MAP3K7: variants seen among roughly 807,000 people sequenced by gnomAD.
MAP3K7 encodes TGF-beta activated kinase 1.
In MAP3K7, 21 loss-of-function variants were observed where a neutral mutation model predicts 84.8. The ratio of observed to expected loss-of-function variants is 0.25; its 90% confidence interval spans 0.18 to 0.36. The LOEUF (loss-of-function observed/expected upper bound fraction) is 0.36. MAP3K7 is among the 10% of genes least tolerant of loss of function. The pLI is 1.00. For missense variants in MAP3K7, 503 were observed against 747.7 expected (o/e 0.67, Z 3.82); for synonymous variants, 241 against 247.7 (o/e 0.97, Z 0.25).
chr6:90,554,341 A>T (rs990451279), intron 6 of MAP3K7, among the ~76,000 whole-genome samples: 1 of 152,260 alleles, frequency 6.6e-6, no homozygotes, highest in African/African-American at 2.4e-5. Context: ...GAAATTCTTA[A>T]TTTATAAACT....
intron 3 of MAP3K7, among the ~76,000 whole-genome samples, chr6:90,563,825 C>T (rs571737780): frequency 1.7e-3 from 252 of 152,296 alleles, no homozygotes; most frequent in Non-Finnish European, 2.8e-3. Flanking sequence ...AGAGAAAGGT[C>T]GGGTTACCCA....
chr6:90,576,566 C>T (rs962090523), intron 1 of MAP3K7, among the ~76,000 whole-genome samples: 15 of 152,072 alleles, frequency 9.9e-5, no homozygotes, highest in Admixed American at 2.6e-4. Context: ...AAGGGCTATG[C>T]GCTATTTTAG....
rs1774909173 is a variant in MAP3K7 at position 90,514,932 on chromosome 6, G to C, written c.*1569C>G. On this transcript the variant is annotated 3_prime_UTR_variant, in exon 17 of 17. Coordinates refer to ENST00000369329, the MANE Select transcript of MAP3K7 (RefSeq NM_145331.3). ...CAGGAAGCTTTCTAAAATAGCTTTT[G>C]AAGAAGCTAAAAATAACAGTTTAGT... 6.6e-6 allele frequency: 1 copy of C among 151,880 alleles called. No individual in the cohort carries two copies. Among genetic ancestry groups the C allele is most frequent in the Admixed American group, 6.6e-5 (1 of 15,214 alleles). 9.4% of individuals were successfully genotyped at this position (151,880 alleles called of 1,614,324 possible). A position where few individuals can be genotyped will look rare whatever the true frequency, so the allele number is the denominator to read the frequency against.
intron 16 of MAP3K7, among the ~76,000 whole-genome samples, chr6:90,517,343 C>T (rs1421313551): frequency 6.6e-6 from 1 of 151,674 alleles, no homozygotes; most frequent in Non-Finnish European, 1.5e-5. Flanking sequence ...TTAGGCATTT[C>T]CTAAAGTGAG....
intron 1 of MAP3K7, among the ~76,000 whole-genome samples, chr6:90,576,041 T>G (rs1243913535): frequency 6.6e-6 from 1 of 151,918 alleles, no homozygotes; most frequent in Non-Finnish European, 1.5e-5. Context: ...AAATGCCACA[T>G]AGAACAACGA....
intron 7 of MAP3K7, 73 bp downstream of exon 7, chr6:90,553,385 G>A: frequency 7.4e-7 from 1 of 1,354,678 alleles, no homozygotes; most frequent in Non-Finnish European, 1.0e-6. Flanking sequence ...TATTCTTTAG[G>A]GAAGGGGACA....
chr6:90,547,984 A>C, intron 10 of MAP3K7, 63 bp downstream of exon 10: 2 of 1,288,074 alleles, frequency 1.6e-6, no homozygotes, highest in Non-Finnish European at 2.1e-6. Flanking sequence ...AATTAATTTC[A>C]GTTAGTATAA....
intron 1 of MAP3K7, among the ~76,000 whole-genome samples, chr6:90,574,117 C>T (rs1036591735): frequency 6.6e-6 from 1 of 152,154 alleles, no homozygotes; most frequent in Non-Finnish European, 1.5e-5. Context: ...TTTCTGTTTT[C>T]TCAGCAGTAA....
At chr6:90,538,291 A>G (rs1775742516) in intron 12 of MAP3K7, among the ~76,000 whole-genome samples, 3 of 151,934 alleles carry the variant, frequency 2.0e-5, no homozygotes, top group Admixed American at 6.6e-5. Flanking sequence ...TCAACCTCCT[A>G]TTACTTCAAA....
At chr6:90,568,769 T>G in intron 2 of MAP3K7, 146 bp from the exon 3 acceptor site, 1 of 593,306 alleles carries the variant, frequency 1.7e-6, no homozygotes, top group East Asian at 3.0e-5. Flanking sequence ...ATTGCAATCA[T>G]AGTCACTGAA....
chr6:90,521,842 T>C (rs932859794), intron 14 of MAP3K7, among the ~76,000 whole-genome samples: 1 of 152,110 alleles, frequency 6.6e-6, no homozygotes, highest in Admixed American at 6.6e-5. Context: ...TTATCGGCTA[T>C]GATTATTAAA....
intron 13 of MAP3K7, among the ~76,000 whole-genome samples, chr6:90,533,339 A>G (rs906499735): frequency 1.3e-5 from 2 of 152,190 alleles, no homozygotes; most frequent in African/African-American, 2.4e-5. Context: ...GTTGGGTTTA[A>G]TATTTATTGC....
In MAP3K7 at chr6:90,547,245, A is replaced by G. The variant is rs761505063; in HGVS notation, c.1210+13T>C. 4 of 1,613,230 alleles carry G rather than the reference A, an allele frequency of 2.5e-6. No individual in the cohort carries two copies. The South Asian group carries it at 3.3e-5, about 13-fold the overall frequency. ...ATACATTTTCACTCTTCAGACTTGT[A>G]GTTCCTTTTTACCTGTGGTTGCGGC... On this transcript the variant is annotated intron_variant, in intron 11 of 16. Transcript: ENST00000369329.
chr6:90,518,305 A>G (rs886131590), intron 16 of MAP3K7, 142 bp downstream of exon 16: 1 of 559,248 alleles, frequency 1.8e-6, no homozygotes, highest in Non-Finnish European at 3.1e-6. Context: ...AAAAATTTTT[A>G]GTAAAAGGGT....
intron 13 of MAP3K7, among the ~76,000 whole-genome samples, chr6:90,526,833 C>T (rs958601669): frequency 2.6e-5 from 4 of 151,924 alleles, no homozygotes; most frequent in Non-Finnish European, 4.4e-5. Flanking sequence ...AAGGATTTTT[C>T]CAATCTTAAA....
At position 90,536,384 on chromosome 6, in the gene MAP3K7, G is replaced by A. The variant is rs770452435; in HGVS notation, c.1309C>T (p.Arg437Cys). 6.2e-6 allele frequency: 10 copies of A among 1,611,676 alleles called. No homozygotes were observed. Among genetic ancestry groups the A allele is most frequent in the South Asian group, 5.5e-5 (5 of 91,022 alleles). Residue 437 changes from arginine to cysteine, a missense_variant, in exon 13 of 17, where the codon CGT (arginine) becomes TGT (cysteine). Physicochemically the swap from Arg to Cys is radical, Grantham distance 180 (BLOSUM62 -3). Transcript: ENST00000369329. ...ACAGTCAAGTCTTGGATGGATCTAC[G>A]TCTTGGCTGTCCGTTGCCTTTAAAA... ...IVISGNGQPR[R>C]RSIQDLTVTG...
intron 12 of MAP3K7, 198 bp from the exon 13 acceptor site, chr6:90,536,599 G>A (rs1049069037): frequency 5.5e-5 from 30 of 542,472 alleles, no homozygotes; most frequent in Admixed American, 1.9e-4. Context: ...AAACAGCTGC[G>A]GTGTTTTAAC....
intron 3 of MAP3K7, among the ~76,000 whole-genome samples, chr6:90,568,256 T>C (rs1776779557): frequency 6.6e-6 from 1 of 151,736 alleles, no homozygotes; most frequent in Non-Finnish European, 1.5e-5. Context: ...AATAAATACA[T>C]AAAGAGAAAG....
chr6:90,543,090 G>A (rs1330804766), intron 12 of MAP3K7, among the ~76,000 whole-genome samples: 1 of 151,448 alleles, frequency 6.6e-6, no homozygotes, highest in Admixed American at 6.6e-5. Context: ...ACAGTTCAGC[G>A]GTATGTAAGT....
Sources: gnomAD v4.1 joint callset for allele counts (sites outside exome capture counted in the v4.1 genomes callset) on GRCh38, gnomAD v4.1.1 for gene constraint, MANE v1.5 for transcripts, NCBI Gene and HGNC (gene_info 2026-07-23, HGNC 2026-07-21) for gene names.